DNER: variants seen among roughly 807,000 people sequenced by gnomAD.
DNER encodes delta and Notch-like epidermal growth factor-related receptor.
A neutral mutation model predicts 78.2 loss-of-function variants in DNER; 33 were observed. The ratio of observed to expected loss-of-function variants is 0.42; its 90% CI spans 0.32 to 0.56. The LOEUF is 0.56. Among genes scored for constraint, DNER ranks in the 20% least tolerant of loss-of-function variants. DNER has a pLI of 0.11. For missense variants in DNER, 918 were observed against 975.3 expected (o/e 0.94, Z 0.78); for synonymous variants, 417 against 384.8 (o/e 1.08, Z -0.98).
intron 1 of DNER, among the ~76,000 whole-genome samples, chr2:229,683,617 A>G (rs552525278): frequency 2.6e-5 from 4 of 152,326 alleles, no homozygotes; most frequent in African/African-American, 9.6e-5. Context: ...GATGATGATG[A>G]CAATGATGAT....
chr2:229,397,785 G>C (rs1456239024), intron 10 of DNER, among the ~76,000 whole-genome samples: 1 of 152,062 alleles, frequency 6.6e-6, no homozygotes, highest in Non-Finnish European at 1.5e-5. Context: ...ATGGATCAAA[G>C]AGGAAATCTA....
intron 8 of DNER, among the ~76,000 whole-genome samples, chr2:229,442,493 C>T (rs897654504): frequency 8.4e-5 from 12 of 142,844 alleles, no homozygotes; most frequent in Non-Finnish European, 1.3e-4. Context: ...CCAGCCTGGG[C>T]GACAGAGCAA....
chr2:229,508,740 G>A (rs1186768608), intron 6 of DNER, among the ~76,000 whole-genome samples: 1 of 152,016 alleles, frequency 6.6e-6, no homozygotes, highest in African/African-American at 2.4e-5. Context: ...AATTAGCCGG[G>A]CGTGGTGGCA....
At chr2:229,690,617 C>T (rs1699554980) in intron 1 of DNER, among the ~76,000 whole-genome samples, 1 of 152,104 alleles carries the variant, frequency 6.6e-6, no homozygotes, top group Non-Finnish European at 1.5e-5. Flanking sequence ...ACTCAACAAA[C>T]ACTAATATTA....
Position 229,625,263 on chromosome 2 carries a change from G to T in DNER, c.277-33375C>A, listed in dbSNP as rs184724355. Among the ~76,000 whole-genome samples, 10 of 152,272 alleles carry T rather than the reference G, an allele frequency of 6.6e-5. No homozygotes were observed. The East Asian group carries it at 1.9e-3, about 29-fold the overall frequency. On this transcript the variant is annotated intron_variant, in intron 1 of 12. Coordinates refer to ENST00000341772, the MANE Select transcript of DNER (RefSeq NM_139072.4). ...TTATTTTCATGGAAAATCACCGGGG[G>T]CTGGGAGGGGTGGCAGGAGGAAGCT...
intron 5 of DNER, among the ~76,000 whole-genome samples, chr2:229,534,601 C>T (rs1258660555): frequency 2.0e-5 from 3 of 152,152 alleles, no homozygotes; most frequent in Non-Finnish European, 2.9e-5. Context: ...GTATTTTCTT[C>T]TTAGACTTCA....
chr2:229,546,778 CAGAT>C (rs1448425873), intron 5 of DNER, among the ~76,000 whole-genome samples, 165 bp downstream of exon 5: 12 of 148,560 alleles, frequency 8.1e-5, no homozygotes, highest in South Asian at 2.1e-4. Flanking sequence ...TTGAGACAGA[CAGAT>C]AGACAGATAG....
At chr2:229,548,937 C>T (rs1421279443) in intron 4 of DNER, among the ~76,000 whole-genome samples, 3 of 152,082 alleles carry the variant, frequency 2.0e-5, no homozygotes, top group Admixed American at 2.0e-4. Context: ...AGACAGTAGA[C>T]AAGACACAGG....
intron 11 of DNER, among the ~76,000 whole-genome samples, chr2:229,380,242 C>T (rs1413348933): frequency 6.6e-6 from 1 of 152,136 alleles, no homozygotes; most frequent in Non-Finnish European, 1.5e-5. Context: ...ATGACCCTAT[C>T]CAGCCATAGG....
chr2:229,433,321 G>T (rs1694056138), intron 8 of DNER, among the ~76,000 whole-genome samples: 1 of 152,190 alleles, frequency 6.6e-6, no homozygotes, highest in South Asian at 2.1e-4. Flanking sequence ...ACATGTACCA[G>T]CTATGGGCAT....
intron 1 of DNER, among the ~76,000 whole-genome samples, chr2:229,630,482 T>TAAC (rs763251945): frequency 1.3e-5 from 1 of 75,584 alleles, no homozygotes; most frequent in Non-Finnish European, 2.4e-5. Flanking sequence ...CATCTCAAAA[T>TAAC]AATAATAATA....
chr2:229,368,982 G>A (rs1448986976), intron 11 of DNER, among the ~76,000 whole-genome samples: 1 of 152,108 alleles, frequency 6.6e-6, no homozygotes, highest in Non-Finnish European at 1.5e-5. Context: ...GAAGACATTT[G>A]TAGGATCATC....
At chr2:229,656,563 G>A (rs2154216417) in intron 1 of DNER, among the ~76,000 whole-genome samples, 2 of 152,070 alleles carry the variant, frequency 1.3e-5, no homozygotes, top group South Asian at 4.2e-4. Context: ...TCACTGCAAG[G>A]GAACCAGCAT....
Position 229,367,122 on chromosome 2 carries a change from G to A in DNER, c.1856-3C>T. 3 of 1,613,958 alleles carry A rather than the reference G, an allele frequency of 1.9e-6. No individual in the cohort carries two copies. The highest frequency in any genetic ancestry group is 2.5e-6 in the Non-Finnish European group (3 of 1,179,954). On this transcript the variant is annotated splice_polypyrimidine_tract_variant and splice_region_variant and intron_variant, in intron 11 of 12. Coordinates refer to ENST00000341772, the MANE Select transcript of DNER (RefSeq NM_139072.4). ...GTGCCCGGACTTCCATTGGAGGTCT[G>A]CAGGCAAAAATAAGCAAATGGCTGG...
At chr2:229,469,777 A>C (rs183467515) in intron 7 of DNER, among the ~76,000 whole-genome samples, 79 of 152,232 alleles carry the variant, frequency 5.2e-4, no homozygotes, top group Middle Eastern at 3.4e-3. Flanking sequence ...ATCCCGTCTC[A>C]ACTAAAAATA....
chr2:229,497,208 T>C (rs1166127518), intron 6 of DNER, among the ~76,000 whole-genome samples: 1 of 151,668 alleles, frequency 6.6e-6, no homozygotes, highest in Non-Finnish European at 1.5e-5. Context: ...AACCAATAAG[T>C]CAAAGAATAA....
rs575005154 is a variant in DNER at position 229,507,436 on chromosome 2, AG to A, written c.1147+5346del. Among the ~76,000 whole-genome samples, 10 of 152,352 alleles carry A rather than the reference AG, an allele frequency of 6.6e-5. No individual in the cohort carries two copies. The South Asian group carries it at 1.4e-3, about 22-fold the overall frequency. On this transcript the variant is annotated intron_variant, in intron 6 of 12. Coordinates refer to ENST00000341772, the MANE Select transcript of DNER (RefSeq NM_139072.4). ...TGTGCTATTAGCATTGGAGACATTA[AG>A]TCACCTTAGATGGTAACAGTAAAAT... is the stretch of plus-strand genomic sequence containing the variant.
At chr2:229,525,162 C>T (rs535477072) in intron 5 of DNER, among the ~76,000 whole-genome samples, 6 of 152,304 alleles carry the variant, frequency 3.9e-5, no homozygotes, top group African/African-American at 1.2e-4. Flanking sequence ...CATCTTTAGC[C>T]GGGATGTGGG....
chr2:229,602,740 C>A (rs1036270521), intron 1 of DNER, among the ~76,000 whole-genome samples: 2 of 151,998 alleles, frequency 1.3e-5, no homozygotes, highest in African/African-American at 4.8e-5. Context: ...AGTAATAAAT[C>A]AAATGTTAAA....
Sources: allele counts gnomAD v4.1 joint callset (sites outside exome capture counted in the v4.1 genomes callset), GRCh38; gene constraint gnomAD v4.1.1; transcripts MANE v1.5; gene names NCBI Gene and HGNC (gene_info 2026-07-23, HGNC 2026-07-21).